Variants in HNRNPC observed in about 807,000 individuals in gnomAD.
HNRNPC encodes the protein heterogeneous nuclear ribonucleoproteins C1/C2.
Under a neutral mutation model 33.2 loss-of-function variants are expected in HNRNPC, and 3 were observed. The observed-to-expected ratio is 0.09, with a 90% CI of 0.04 to 0.23. The LOEUF (loss-of-function observed/expected upper bound fraction) is 0.23. HNRNPC is among the 10% of genes least tolerant of loss of function. The pLI is 1.00. For missense variants in HNRNPC, 143 were observed against 366.7 expected, an observed-to-expected ratio of 0.39 and a Z score of 4.98; for synonymous variants, 121 against 126.7, an observed-to-expected ratio of 0.96 and a Z score of 0.30.
At chr14:21,215,795 G>A (rs1892089596) in intron 5 of HNRNPC, among the ~76,000 whole-genome samples, 1 of 151,504 alleles carries the variant, frequency 6.6e-6, no homozygotes, top group Non-Finnish European at 1.5e-5. Context: ...CTACTCAGGA[G>A]GGCTGAGGCA....
In HNRNPC at chr14:21,226,899, G is replaced by GAAAAAAA. The variant is rs763914963; in HGVS notation, c.365+3419_365+3420insTTTTTTT. Among the ~76,000 whole-genome samples, 407 of 106,332 alleles carry GAAAAAAA rather than the reference G, an allele frequency of 3.8e-3. 7 individuals are homozygous for GAAAAAAA. The highest frequency in any genetic ancestry group is 0.015 in the African/African-American group (387 of 25,624). The allele number at this position is 106,332 out of a possible 152,430, so 69.8% of individuals were successfully genotyped here. A position where few individuals can be genotyped will look rare whatever the true frequency, so the allele number is the denominator to read the frequency against. On this transcript the variant is annotated intron_variant, in intron 5 of 8. Coordinates refer to ENST00000553300, the MANE Select transcript of HNRNPC (RefSeq NM_004500.4). ...ATCTCAAAAAAAAAAAAAAAAAGGG[G>GAAAAAAA]GGGGGGGGACAGTGATTTTTACTCC...
chr14:21,252,814 A>G (rs543296284), intron 2 of HNRNPC, among the ~76,000 whole-genome samples: 1 of 152,308 alleles, frequency 6.6e-6, no homozygotes, highest in Admixed American at 6.5e-5. Context: ...GGATTATTAA[A>G]GTGAGACAAG....
rs150518396 is a variant in HNRNPC at position 21,215,771 on chromosome 14, G to A, written c.366-2654C>T. ...AAATTAGCCGGGCATGGTGGCACAC[G>A]CCTGTAATTCCAGCTACTCAGGAGG... On this transcript the variant is annotated intron_variant, in intron 5 of 8. Transcript: ENST00000553300. Among the ~76,000 whole-genome samples the A allele has an allele frequency of 4.7e-3, 721 of 151,940 alleles. 4 individuals are homozygous for A. The highest frequency in any genetic ancestry group is 7.1e-3 in the Non-Finnish European group (484 of 67,964).
At chr14:21,218,702 A>AAAAAAAAAAAAAAAAAAAAAAT (rs1892496301) in intron 5 of HNRNPC, among the ~76,000 whole-genome samples, 1 of 140,540 alleles carries the variant, frequency 7.1e-6, no homozygotes, top group African/African-American at 2.5e-5. Flanking sequence ...AAAAAAAAAA[A>AAAAAAAAAAAAAAAAAAAAAAT]AAAAAACTGA....
chr14:21,226,894 A>AC (rs1893511218), intron 5 of HNRNPC, among the ~76,000 whole-genome samples: 1 of 111,696 alleles, frequency 9.0e-6, no homozygotes, highest in Non-Finnish European at 1.8e-5. Context: ...AAAAAAAAAA[A>AC]AGGGGGGGGG....
At chr14:21,239,448 C>T (rs1485597321) in intron 2 of HNRNPC, among the ~76,000 whole-genome samples, 3 of 152,002 alleles carry the variant, frequency 2.0e-5, no homozygotes, top group Non-Finnish European at 2.9e-5. Flanking sequence ...CACTGCACTC[C>T]AGTCTGGGTG....
intron 3 of HNRNPC, among the ~76,000 whole-genome samples, chr14:21,231,744 A>G (rs143040118): frequency 6.6e-6 from 1 of 152,166 alleles, no homozygotes; most frequent in Admixed American, 6.5e-5. Flanking sequence ...CCACCCTCAG[A>G]TACCACTTCA....
intron 2 of HNRNPC, among the ~76,000 whole-genome samples, chr14:21,243,126 G>A (rs967701285): frequency 6.6e-6 from 1 of 152,114 alleles, no homozygotes; most frequent in Non-Finnish European, 1.5e-5. Context: ...GGTGGGCAGT[G>A]TGTGAATTCT....
intron 1 of HNRNPC, among the ~76,000 whole-genome samples, chr14:21,266,109 T>TA (rs1250957794): frequency 6.6e-6 from 1 of 151,826 alleles, no homozygotes; most frequent in Non-Finnish European, 1.5e-5. Flanking sequence ...TAGAATCAAT[T>TA]ATTATCATTT....
intron 2 of HNRNPC, among the ~76,000 whole-genome samples, chr14:21,237,013 T>C (rs1465810152): frequency 6.6e-6 from 1 of 152,164 alleles, no homozygotes; most frequent in Non-Finnish European, 1.5e-5. Context: ...TAACCAGCAG[T>C]TATTTATTGA....
chr14:21,214,972 G>T (rs563626042), intron 5 of HNRNPC, among the ~76,000 whole-genome samples: 1 of 152,100 alleles, frequency 6.6e-6, no homozygotes, highest in Non-Finnish European at 1.5e-5. Context: ...ACCGGCACCC[G>T]TATCTAAACC....
Position 21,209,776 on chromosome 14 carries a change from T to G in HNRNPC, c.*1447A>C, listed in dbSNP as rs1891426954. 6.6e-6 allele frequency: 1 copy of G among 152,232 alleles called. No individual in the cohort carries two copies. Among genetic ancestry groups the G allele is most frequent in the South Asian group, 2.1e-4 (1 of 4,834 alleles). 9.4% of individuals were successfully genotyped at this position (152,232 alleles called of 1,614,324 possible). On this transcript the variant is annotated 3_prime_UTR_variant, in exon 9 of 9. Transcript: ENST00000553300. Reference sequence around the variant, plus strand: ...CCAAGGTTTGTGTGCACAAAAATTATAAGCGGCATTTTCTGCTATGCTGGA... The same window carrying G: ...CCAAGGTTTGTGTGCACAAAAATTAGAAGCGGCATTTTCTGCTATGCTGGA...
intron 5 of HNRNPC, among the ~76,000 whole-genome samples, chr14:21,217,058 T>C (rs1259580979): frequency 6.6e-6 from 1 of 152,076 alleles, no homozygotes; most frequent in Non-Finnish European, 1.5e-5. Flanking sequence ...CAATTAGGAG[T>C]CAAATTCTCT....
chr14:21,263,550 G>C (rs1004984594), intron 1 of HNRNPC: 4 of 151,934 alleles, frequency 2.6e-5, no homozygotes, highest in African/African-American at 9.7e-5. Context: ...GTTTATGAGA[G>C]GCTAAAAGGC....
intron 6 of HNRNPC, 145 bp downstream of exon 6, chr14:21,212,815 T>C: frequency 9.7e-7 from 1 of 1,034,172 alleles, no homozygotes; most frequent in South Asian, 1.5e-5. Flanking sequence ...AGTGCTGGGA[T>C]TACAGGCATG....
intron 5 of HNRNPC, among the ~76,000 whole-genome samples, chr14:21,227,136 C>T (rs1893557502): frequency 6.6e-6 from 1 of 152,042 alleles, no homozygotes; most frequent in Non-Finnish European, 1.5e-5. Flanking sequence ...AACCTATTTC[C>T]CAGGTCCAAA....
At chr14:21,219,752 C>A (rs193282109) in intron 5 of HNRNPC, among the ~76,000 whole-genome samples, 36 of 152,274 alleles carry the variant, frequency 2.4e-4, no homozygotes, top group African/African-American at 7.5e-4. Context: ...AAACTCTAAG[C>A]AGATGACTCC....
At chr14:21,217,025 CTA>C (rs1892264762) in intron 5 of HNRNPC, among the ~76,000 whole-genome samples, 1 of 152,160 alleles carries the variant, frequency 6.6e-6, no homozygotes, top group South Asian at 2.1e-4. Flanking sequence ...TGTTTTGAAT[CTA>C]TGTTAACAGT....
intron 2 of HNRNPC, among the ~76,000 whole-genome samples, chr14:21,252,307 G>A (rs765493409): frequency 1.2e-4 from 19 of 152,076 alleles, no homozygotes; most frequent in Non-Finnish European, 2.6e-4. Context: ...TGGACTTGTT[G>A]GTCTTTTTTT....
Sources: gnomAD v4.1 joint callset for allele counts (sites outside exome capture counted in the v4.1 genomes callset) on GRCh38, gnomAD v4.1.1 for gene constraint, MANE v1.5 for transcripts, NCBI Gene and HGNC (gene_info 2026-07-23, HGNC 2026-07-21) for gene names.